The following POTEE variants were observed in gnomAD, a reference collection of about 807,000 sequenced individuals.
The protein encoded by POTEE is ANKRD26-like family C member 1A.
POTEE carries 21 observed loss-of-function variants against 74.2 expected under a neutral mutation model. That is an observed-to-expected ratio of 0.28 (90% CI 0.20 to 0.41). The LOEUF is 0.41. Ranked by LOEUF, POTEE falls within the 10% of genes least tolerant of loss-of-function variation. The pLI, the probability that POTEE is intolerant of heterozygous loss-of-function variation, is 1.00. For missense variants in POTEE, 525 were observed against 1,158.6 expected, an observed-to-expected ratio of 0.45 and a Z score of 7.94; for synonymous variants, 211 against 432.8, an observed-to-expected ratio of 0.49 and a Z score of 6.36.
chr2:131,234,517 AGTACCAG>A (rs1262959968), intron 9 of POTEE, among the ~76,000 whole-genome samples: 1 of 46,884 alleles, frequency 2.1e-5, no homozygotes, highest in East Asian at 5.5e-4. Flanking sequence ...CTTGAGAGTG[AGTACCAG>A]GATTATAGTT....
At chr2:131,218,221 T>C in intron 3 of POTEE, 89 bp from the exon 4 acceptor site, 1 of 824,078 alleles carries the variant, frequency 1.2e-6, no homozygotes, top group Non-Finnish European at 1.7e-6. Context: ...CGGGTGGGTG[T>C]GGGTTTTCCC....
At chr2:131,212,772 C>T (rs1421923807) in intron 2 of POTEE, among the ~76,000 whole-genome samples, 1 of 149,746 alleles carries the variant, frequency 6.7e-6, no homozygotes, top group East Asian at 2.0e-4. Flanking sequence ...CTATGTTGGT[C>T]AGGCTGGTCT....
chr2:131,218,276 G>A (rs1700496870), intron 3 of POTEE, 34 bp from the exon 4 acceptor site: 1 of 1,557,106 alleles, frequency 6.4e-7, no homozygotes, highest in Admixed American at 1.8e-5. Context: ...GGGTTGGCAG[G>A]TTTTGGCTGG....
chr2:131,235,687 G>C (rs939613679), intron 9 of POTEE, among the ~76,000 whole-genome samples: 3 of 149,020 alleles, frequency 2.0e-5, no homozygotes, highest in African/African-American at 7.4e-5. Context: ...AGCTTCTCCG[G>C]AGACTGAGAC....
chr2:131,218,460 C>T lies in POTEE; in HGVS notation c.58C>T (p.Leu20Phe), dbSNP rs267598878. 1.9e-6 allele frequency: 3 copies of T among 1,613,116 alleles called. No individual in the cohort carries two copies. The highest frequency in any genetic ancestry group is 2.7e-5 in the African/African-American group (2 of 74,332). Residue 20 changes from leucine to phenylalanine, a missense_variant, in exon 4 of 18, where the codon CTC (leucine) becomes TTC (phenylalanine). Coordinates refer to ENST00000683005, the MANE Select transcript of POTEE (RefSeq NM_001083538.3). Reference sequence around the variant, plus strand: ...CTCTTCTGTGAAGAAGCCATTTGGTCTCAGGAGCAAGATGGGCAAGTGGTG... The same window carrying T: ...CTCTTCTGTGAAGAAGCCATTTGGTTTCAGGAGCAAGATGGGCAAGTGGTG... ...AASSVKKPFG[L>F]RSKMGKWCCR...
intron 9 of POTEE, among the ~76,000 whole-genome samples, chr2:131,234,082 A>G (rs1431517777): frequency 1.3e-5 from 2 of 150,752 alleles, no homozygotes; most frequent in Non-Finnish European, 2.9e-5. Context: ...AGAATCTGAA[A>G]GTTGATGATA....
intron 4 of POTEE, 119 bp from the exon 5 acceptor site, chr2:131,223,477 A>C (rs1366219763): frequency 9.4e-6 from 8 of 854,964 alleles, no homozygotes; most frequent in Non-Finnish European, 1.4e-5. Flanking sequence ...GGGAAAGTTA[A>C]ATGTTTGTTT....
Position 131,209,795 on chromosome 2 carries a change from G to C in POTEE, c.-369G>C, listed in dbSNP as rs564663629. On this transcript the variant is annotated 5_prime_UTR_variant, in exon 1 of 18. Coordinates refer to ENST00000683005, the MANE Select transcript of POTEE (RefSeq NM_001083538.3). ...GACGTGGGACACTGCAGCTCGGCCA[G>C]AGTGGTAGAAATGTCCTGGTGTAGG... 1.1e-3 allele frequency among the ~76,000 whole-genome samples: 162 copies of C among 152,284 alleles called. No homozygotes were observed. The highest frequency in any genetic ancestry group is 2.9e-3 in the Admixed American group (44 of 15,300).
At chr2:131,228,840 A>G (rs1284260925) in intron 8 of POTEE, among the ~76,000 whole-genome samples, 2 of 145,750 alleles carry the variant, frequency 1.4e-5, no homozygotes, top group East Asian at 3.9e-4. Flanking sequence ...TCAAGTCAGA[A>G]GGAGGAGGAA....
rs1242455274 is a variant in POTEE, at chr2:131,263,484, T to C, written c.2029T>C (p.Leu677=). Residue 677 remains leucine, a synonymous_variant, in exon 18 of 18, where the codon TTG becomes CTG. Coordinates refer to ENST00000683005, the MANE Select transcript of POTEE (RefSeq NM_001083538.3). ...HQSQLREKKY[L]EDIESVKKKN... is the part of the protein sequence containing the mutation. Reference sequence around the variant, plus strand: ...GAGCCAGCTAAGAGAAAAGAAATATTTGGAGGATATTGAAAGTGTGAAAAA... The same window carrying C: ...GAGCCAGCTAAGAGAAAAGAAATATCTGGAGGATATTGAAAGTGTGAAAAA... The C allele has an allele frequency of 6.2e-7, 1 of 1,611,634 alleles. No homozygotes were observed. The highest frequency in any genetic ancestry group is 8.5e-7 in the Non-Finnish European group (1 of 1,179,720).
intron 8 of POTEE, among the ~76,000 whole-genome samples, chr2:131,229,019 T>C: frequency 6.7e-6 from 1 of 150,238 alleles, no homozygotes; most frequent in Admixed American, 6.6e-5. Flanking sequence ...CCTATGCTTA[T>C]ATGCTCAGCC....
chr2:131,214,500 G>T (rs1700413394), intron 2 of POTEE, among the ~76,000 whole-genome samples: 1 of 152,234 alleles, frequency 6.6e-6, no homozygotes, highest in Non-Finnish European at 1.5e-5. Flanking sequence ...TTCATAAAGT[G>T]GGAAAGAAAA....
chr2:131,231,551 T>C (rs978779628), intron 9 of POTEE, among the ~76,000 whole-genome samples: 4 of 152,078 alleles, frequency 2.6e-5, no homozygotes, highest in Non-Finnish European at 4.4e-5. Context: ...ATGTTACATA[T>C]GCTTGTCCCA....
intron 4 of POTEE, among the ~76,000 whole-genome samples, chr2:131,222,657 T>G (rs1480944303): frequency 1.3e-5 from 2 of 152,228 alleles, no homozygotes; most frequent in South Asian, 2.1e-4. Context: ...TATGAATGAT[T>G]GGAAATATCT....
chr2:131,225,691 T>G (rs1257537307), intron 6 of POTEE, among the ~76,000 whole-genome samples: 5 of 148,736 alleles, frequency 3.4e-5, no homozygotes, highest in African/African-American at 7.5e-5. Flanking sequence ...CCTCAGTTTT[T>G]TTTTTTTTTT....
chr2:131,258,568 A>G (rs1202360580), intron 16 of POTEE, among the ~76,000 whole-genome samples: 2 of 152,186 alleles, frequency 1.3e-5, no homozygotes, highest in East Asian at 3.9e-4. Flanking sequence ...TGATATTGTT[A>G]TACATTTTTA....
chr2:131,233,286 C>T (rs1347022112), intron 9 of POTEE, among the ~76,000 whole-genome samples: 2 of 151,812 alleles, frequency 1.3e-5, no homozygotes, highest in South Asian at 2.1e-4. Context: ...CTTAACCCTG[C>T]TGTTGTCTGC....
At chr2:131,235,792 CAAA>C (rs1203876832) in intron 9 of POTEE, among the ~76,000 whole-genome samples, 17 of 79,132 alleles carry the variant, frequency 2.1e-4, no homozygotes, top group African/African-American at 7.8e-4. Flanking sequence ...GACCCTGGCT[CAAA>C]AAAAAAAAAA....
chr2:131,238,224 G>C lies in POTEE; in HGVS notation c.1228G>C (p.Asp410His). The C allele has an allele frequency of 6.3e-7, 1 of 1,597,858 alleles. No individual in the cohort carries two copies. The highest frequency in any genetic ancestry group is 8.5e-7 in the Non-Finnish European group (1 of 1,174,672). The change falls in exon 11 of 18, where the codon GAT (aspartate) becomes CAT (histidine). Residue 410 changes from aspartate to histidine, a missense_variant. Asp to His is a moderately conservative substitution (Grantham distance 81). Coordinates refer to ENST00000683005, the MANE Select transcript of POTEE (RefSeq NM_001083538.3). Reference protein sequence around the residue: ...KMSQELEINKDGDREVEEEMK... With the variant: ...KMSQELEINKHGDREVEEEMK... ...GTCTCAAGAACTAGAAATAAATAAGGATGGTGATAGAGAGGTATACCTTCA... is the reference window on the plus strand; with the variant it reads ...GTCTCAAGAACTAGAAATAAATAAGCATGGTGATAGAGAGGTATACCTTCA...
Sources: gnomAD v4.1 joint callset for allele counts (sites outside exome capture counted in the v4.1 genomes callset) on GRCh38, gnomAD v4.1.1 for gene constraint, MANE v1.5 for transcripts, NCBI Gene and HGNC (gene_info 2026-07-23, HGNC 2026-07-21) for gene names.